The following NLGN4X variants were observed in gnomAD, a reference collection of about 807,000 sequenced individuals.
NLGN4X encodes neuroligin 4 X-linked.
NLGN4X carries 3 observed loss-of-function variants against 40.3 expected under a neutral mutation model. The observed-to-expected ratio is 0.07, with a 90% CI of 0.03 to 0.19. The LOEUF (loss-of-function observed/expected upper bound fraction) is 0.19. NLGN4X is among the 10% of genes least tolerant of loss of function. The pLI is 1.00. For missense variants in NLGN4X, 382 were observed against 708.3 expected, an observed-to-expected ratio of 0.54 and a Z score of 5.23; for synonymous variants, 270 against 306.8, an observed-to-expected ratio of 0.88 and a Z score of 1.25.
chrX:6,111,200 G>A (rs1477962494), intron 2 of NLGN4X, among the ~76,000 whole-genome samples: 1 of 112,007 alleles, frequency 8.9e-6, no homozygotes, highest in Non-Finnish European at 1.9e-5. Flanking sequence ...AATGTATCTT[G>A]TTATATAGTC....
intron 3 of NLGN4X, among the ~76,000 whole-genome samples, chrX:5,982,749 T>G (rs1195423311): frequency 8.9e-6 from 1 of 111,888 alleles, no homozygotes; most frequent in East Asian, 2.8e-4. Flanking sequence ...TCCCAGCTAC[T>G]GGGGAGGGTG....
At chrX:6,192,701 A>G (rs191146981) in intron 1 of NLGN4X, among the ~76,000 whole-genome samples, 1 of 111,475 alleles carries the variant, frequency 9.0e-6, no homozygotes, top group East Asian at 2.9e-4. Context: ...AGTGTGGCCA[A>G]TGATCTGGGG....
chrX:6,087,697 C>T (rs1318761423), intron 2 of NLGN4X, among the ~76,000 whole-genome samples: 2 of 111,916 alleles, frequency 1.8e-5, no homozygotes, highest in Admixed American at 1.9e-4. Context: ...TACTTCAATT[C>T]TTCCTCCAAC....
rs187968773 is a variant in NLGN4X, at chrX:5,968,513, G to A, written c.626-59274C>T. 1.0e-3 allele frequency among the ~76,000 whole-genome samples: 81 copies of A among 78,004 alleles called. 1 individual carries two copies. The highest frequency in any genetic ancestry group is 1.8e-3 in the Non-Finnish European group (73 of 40,661). 67.7% of individuals were successfully genotyped at this position (78,004 alleles called of 115,157 possible). A position where few individuals can be genotyped will look rare whatever the true frequency, so the allele number is the denominator to read the frequency against. On this transcript the variant is annotated intron_variant, in intron 3 of 5. Transcript: ENST00000381095. The stretch of plus-strand genomic sequence containing the variant: ...TGTGTGTGTGTGTGTGTGTGTTGGG[G>A]TGCTATCTACTAATAATGTATCAAT...
chrX:6,002,856 A>C (rs1053014521), intron 3 of NLGN4X, among the ~76,000 whole-genome samples: 1 of 112,084 alleles, frequency 8.9e-6, no homozygotes, highest in African/African-American at 3.2e-5. Context: ...GACATCAGAG[A>C]GAAGTGGCTT....
At chrX:6,025,377 T>C (rs1281740534) in intron 3 of NLGN4X, among the ~76,000 whole-genome samples, 1 of 112,010 alleles carries the variant, frequency 8.9e-6, no homozygotes, top group Non-Finnish European at 1.9e-5. Flanking sequence ...TACAAGTGTC[T>C]TGTAATGTTA....
At chrX:5,961,497 T>C (rs1049252097) in intron 3 of NLGN4X, among the ~76,000 whole-genome samples, 1 of 112,114 alleles carries the variant, frequency 8.9e-6, no homozygotes, top group Non-Finnish European at 1.9e-5. Context: ...ACAGAAAACC[T>C]TGCACAGGTT....
At chrX:6,180,035 T>G (rs1307506881) in intron 1 of NLGN4X, among the ~76,000 whole-genome samples, 1 of 111,330 alleles carries the variant, frequency 9.0e-6, no homozygotes, top group Non-Finnish European at 1.9e-5. Context: ...GTAAGATCTC[T>G]TCTAGTTTTT....
intron 3 of NLGN4X, among the ~76,000 whole-genome samples, chrX:5,913,740 T>C (rs1416878401): frequency 8.9e-6 from 1 of 112,110 alleles, no homozygotes; most frequent in Non-Finnish European, 1.9e-5. Context: ...ATACGTTCAG[T>C]GATCTGGTTT....
chrX:5,967,113 T>C (rs72627591), intron 3 of NLGN4X, among the ~76,000 whole-genome samples: 3,058 of 111,382 alleles, frequency 0.027, 113 homozygotes, highest in East Asian at 0.17. Flanking sequence ...AAGCCTGTAG[T>C]TGACAGAATG....
At chrX:5,997,067 G>A (rs2035838902) in intron 3 of NLGN4X, among the ~76,000 whole-genome samples, 1 of 110,561 alleles carries the variant, frequency 9.0e-6, no homozygotes, top group African/African-American at 3.3e-5. Context: ...AGTTCCATTT[G>A]TTGCTCCTAT....
chrX:5,910,457 A>C (rs1352048033), intron 3 of NLGN4X, among the ~76,000 whole-genome samples: 1 of 111,380 alleles, frequency 9.0e-6, no homozygotes, highest in African/African-American at 3.3e-5. Context: ...GATGCTCAGC[A>C]CATTATTATG....
chrX:5,902,971 T>C, intron 5 of NLGN4X, 106 bp downstream of exon 5: 1 of 869,450 alleles, frequency 1.2e-6, no homozygotes, highest in Admixed American at 2.3e-5. Context: ...TGTGTATGTG[T>C]GTGTATGCGT....
intron 2 of NLGN4X, among the ~76,000 whole-genome samples, chrX:6,067,394 C>T (rs1359925805): frequency 9.0e-6 from 1 of 111,009 alleles, no homozygotes; most frequent in Admixed American, 9.6e-5. Flanking sequence ...TTCTCCACTA[C>T]CATTTTCATA....
intron 3 of NLGN4X, among the ~76,000 whole-genome samples, chrX:6,006,367 G>T (rs1449434765): frequency 1.8e-5 from 2 of 110,690 alleles, no homozygotes; most frequent in African/African-American, 6.6e-5. Flanking sequence ...AAAATATAAA[G>T]TAATCTAAAT....
intron 2 of NLGN4X, among the ~76,000 whole-genome samples, chrX:6,103,608 C>G (rs1333541532): frequency 9.0e-6 from 1 of 111,441 alleles, no homozygotes; most frequent in African/African-American, 3.3e-5. Context: ...CAAATCGTAC[C>G]TGTGCAGATG....
chrX:6,222,352 C>T (rs759301545), intron 1 of NLGN4X, among the ~76,000 whole-genome samples: 10 of 111,203 alleles, frequency 9.0e-5, no homozygotes, highest in Non-Finnish European at 1.7e-4. Flanking sequence ...AAATGATCAC[C>T]GATATTAACA....
chrX:5,957,792 T>C (rs1194507425), intron 3 of NLGN4X, among the ~76,000 whole-genome samples: 2 of 112,146 alleles, frequency 1.8e-5, no homozygotes, highest in Admixed American at 1.9e-4. Context: ...TGAATCACTC[T>C]TTGTTGTCCA....
At chrX:5,954,391 C>CTTT (rs764108500) in intron 3 of NLGN4X, among the ~76,000 whole-genome samples, 5 of 55,835 alleles carry the variant, frequency 9.0e-5, no homozygotes, top group African/African-American at 1.4e-4. Flanking sequence ...GCTTGGCTAA[C>CTTT]TTTTTTTTTT....
Sources: gnomAD v4.1 joint callset for allele counts (sites outside exome capture counted in the v4.1 genomes callset) on GRCh38, gnomAD v4.1.1 for gene constraint, MANE v1.5 for transcripts, NCBI Gene and HGNC (gene_info 2026-07-23, HGNC 2026-07-21) for gene names.